Variants in TMEM178B observed in about 807,000 individuals in gnomAD.
TMEM178B encodes transmembrane protein 178B.
Under a neutral mutation model 31.0 loss-of-function variants are expected in TMEM178B, and 5 were observed. The observed-to-expected ratio is 0.16, with a 90% CI of 0.08 to 0.34. TMEM178B has a LOEUF of 0.34. TMEM178B is among the 10% of genes least tolerant of loss of function. TMEM178B has a pLI of 1.00. For synonymous variants in TMEM178B, 164 were observed against 164.0 expected (o/e 1.00, Z 0.00); for missense variants, 275 against 400.3 (o/e 0.69, Z 2.67).
chr7:141,386,674 A>G (rs1321142655), intron 2 of TMEM178B, among the ~76,000 whole-genome samples: 6 of 149,278 alleles, frequency 4.0e-5, no homozygotes, highest in African/African-American at 1.6e-4. Context: ...AAACTATTAC[A>G]AAAGCTGTGG....
intron 2 of TMEM178B, among the ~76,000 whole-genome samples, chr7:141,308,584 A>G (rs1410359265): frequency 6.6e-6 from 1 of 151,960 alleles, no homozygotes; most frequent in African/African-American, 2.4e-5. Flanking sequence ...TTTCTGTAGA[A>G]CCCCAATATG....
At chr7:141,180,970 A>T (rs1393344801) in intron 1 of TMEM178B, among the ~76,000 whole-genome samples, 2 of 152,070 alleles carry the variant, frequency 1.3e-5, no homozygotes, top group African/African-American at 4.8e-5. Context: ...CCATTCATCC[A>T]TCCTCCTCCC....
At chr7:141,220,492 G>T (rs1016650143) in intron 2 of TMEM178B, among the ~76,000 whole-genome samples, 19 of 151,988 alleles carry the variant, frequency 1.3e-4, no homozygotes, top group African/African-American at 4.4e-4. Context: ...ATGGATAAGA[G>T]GGAGAGTTTA....
chr7:141,092,359 GAA>G (rs1794895421), intron 1 of TMEM178B, among the ~76,000 whole-genome samples: 1 of 152,142 alleles, frequency 6.6e-6, no homozygotes, highest in Non-Finnish European at 1.5e-5. Context: ...AAGATAGCAT[GAA>G]CCTCCTTGGC....
chr7:141,101,446 T>C (rs1795055652), intron 1 of TMEM178B, among the ~76,000 whole-genome samples: 1 of 152,220 alleles, frequency 6.6e-6, no homozygotes, highest in South Asian at 2.1e-4. Context: ...CTAGTTGTAA[T>C]GGTTGAAGTG....
At position 141,218,778 on chromosome 7, in the gene TMEM178B, C is replaced by G. The variant is rs7811424; in HGVS notation, c.496+6074C>G. Among the ~76,000 whole-genome samples the G allele has an allele frequency of 8.4e-3, 1,283 of 152,250 alleles. 18 individuals are homozygous for G. Among genetic ancestry groups the G allele is most frequent in the African/African-American group, 0.029 (1,222 of 41,534 alleles). On this transcript the variant is annotated intron_variant, in intron 2 of 3. Transcript: ENST00000565468. ...CTCTCTCCAGCCACCCTGGGTCCTC[C>G]CCTCCCCACTGGCATCAACCTTCTC...
chr7:141,494,750 A>G, the TMEM178B span, among the ~76,000 whole-genome samples: 1 of 152,216 alleles, frequency 6.6e-6, no homozygotes. Context: ...AGACAAACAA[A>G]CAAAAAAATT....
intron 1 of TMEM178B, among the ~76,000 whole-genome samples, chr7:141,116,130 C>T (rs17161920): frequency 0.012 from 1,781 of 152,260 alleles, 32 homozygotes; most frequent in African/African-American, 0.041. Flanking sequence ...TCTCTTTGAA[C>T]CACTGAGAAA....
chr7:141,381,765 C>A (rs777612938), intron 2 of TMEM178B, among the ~76,000 whole-genome samples: 2 of 152,174 alleles, frequency 1.3e-5, no homozygotes, highest in Admixed American at 6.6e-5. Context: ...CAGATCCCCC[C>A]CTTTTGCCCA....
Position 141,461,365 on chromosome 7 carries a change from A to C in TMEM178B, c.635-9171A>C, listed in dbSNP as rs1802056694. Reference sequence around the variant, plus strand: ...TGGGGATCCGCAGACACCGTTCCACATTCCTGGGAGCAGAAAATGTCACAC... The same window carrying C: ...TGGGGATCCGCAGACACCGTTCCACCTTCCTGGGAGCAGAAAATGTCACAC... On this transcript the variant is annotated intron_variant, in intron 3 of 3. Coordinates refer to ENST00000565468, the MANE Select transcript of TMEM178B (RefSeq NM_001195278.2). The surrounding 1 kb of genome is among the most constrained non-coding windows in gnomAD (Gnocchi z 4.0). Among the ~76,000 whole-genome samples, 1 of 152,248 alleles carries C rather than the reference A, an allele frequency of 6.6e-6. No homozygotes were observed. Among genetic ancestry groups the C allele is most frequent in the Non-Finnish European group, 1.5e-5 (1 of 68,046 alleles).
chr7:141,259,497 T>A (rs1797980917), intron 2 of TMEM178B, among the ~76,000 whole-genome samples: 1 of 152,184 alleles, frequency 6.6e-6, no homozygotes, highest in Admixed American at 6.5e-5. Context: ...TTCCTATTTC[T>A]TTGCATATCT....
chr7:141,265,996 C>T (rs1201054974), intron 2 of TMEM178B, among the ~76,000 whole-genome samples: 1 of 152,142 alleles, frequency 6.6e-6, no homozygotes, highest in South Asian at 2.1e-4. Context: ...GGATCAGAGT[C>T]CCCTGTGAGC....
At chr7:141,324,456 T>G (rs960249859) in intron 2 of TMEM178B, among the ~76,000 whole-genome samples, 4 of 110,460 alleles carry the variant, frequency 3.6e-5, no homozygotes, top group Non-Finnish European at 5.4e-5. Flanking sequence ...TTTTTTTTCC[T>G]GAGCGATTGA....
chr7:141,331,211 A>G (rs1175508338), intron 2 of TMEM178B, among the ~76,000 whole-genome samples: 5 of 152,238 alleles, frequency 3.3e-5, no homozygotes, highest in Non-Finnish European at 7.3e-5. Flanking sequence ...AGTCTTTGGC[A>G]TGCAGATGGT....
intron 1 of TMEM178B, among the ~76,000 whole-genome samples, chr7:141,115,445 T>C (rs769862212): frequency 2.0e-5 from 3 of 152,158 alleles, no homozygotes. Flanking sequence ...AGGGGTGTTA[T>C]AGGGAAAGAG....
chr7:141,425,624 TCTGC>T (rs1482088134), intron 2 of TMEM178B, among the ~76,000 whole-genome samples: 1 of 152,178 alleles, frequency 6.6e-6, no homozygotes, highest in East Asian at 1.9e-4. Flanking sequence ...GGTTTGCGAC[TCTGC>T]CTCTTGGTCT....
At chr7:141,204,607 TGTG>T (rs1358801236) in intron 1 of TMEM178B, among the ~76,000 whole-genome samples, 1 of 152,176 alleles carries the variant, frequency 6.6e-6, no homozygotes, top group Non-Finnish European at 1.5e-5. Flanking sequence ...AAATACAGCT[TGTG>T]GGTGGGAATT....
chr7:141,208,433 A>G (rs1563117995), intron 1 of TMEM178B, among the ~76,000 whole-genome samples: 1 of 152,210 alleles, frequency 6.6e-6, no homozygotes, highest in Non-Finnish European at 1.5e-5. Flanking sequence ...TTCTGGGCCT[A>G]CTTATTTGGT....
chr7:141,501,169 A>G, the TMEM178B span, among the ~76,000 whole-genome samples: 4 of 151,900 alleles, frequency 2.6e-5, no homozygotes, highest in African/African-American at 7.3e-5. Context: ...GGGTTTATCC[A>G]TCTGTGTTAA....
Sources: gnomAD v4.1 joint callset for allele counts (sites outside exome capture counted in the v4.1 genomes callset) on GRCh38, gnomAD v4.1.1 for gene constraint, Gnocchi (gnomAD v3.1) non-coding constraint, MANE v1.5 for transcripts, NCBI Gene and HGNC (gene_info 2026-07-23, HGNC 2026-07-21) for gene names.